The following SDK1 variants were observed in gnomAD, a reference collection of about 807,000 sequenced individuals.
SDK1 encodes protein sidekick-1.
SDK1 carries 157 observed loss-of-function variants against 245.5 expected under a neutral mutation model. That is an observed-to-expected ratio of 0.64 (90% CI 0.56 to 0.73). The LOEUF (loss-of-function observed/expected upper bound fraction) is 0.73. SDK1 is among the 30% of genes least tolerant of loss of function. The pLI is 0.00. For missense variants in SDK1, 3,583 were observed against 3,002.3 expected, an observed-to-expected ratio of 1.19 and a Z score of -4.52; for synonymous variants, 1,647 against 1,278.5, an observed-to-expected ratio of 1.29 and a Z score of -6.15.
At chr7:3,437,593 G>A (rs547399315) in intron 1 of SDK1, among the ~76,000 whole-genome samples, 1 of 152,164 alleles carries the variant, frequency 6.6e-6, no homozygotes, top group South Asian at 2.1e-4. Context: ...GCAACAGCAA[G>A]ACCCCTTCTC....
intron 1 of SDK1, among the ~76,000 whole-genome samples, chr7:3,616,224 C>G (rs1781767279): frequency 6.6e-6 from 1 of 152,146 alleles, no homozygotes; most frequent in African/African-American, 2.4e-5. Context: ...TCATCATCAT[C>G]ATTATCATAT....
At position 4,061,628 on chromosome 7, in the gene SDK1, C is replaced by T. The variant is rs1419606175; in HGVS notation, c.2912-6210C>T. On this transcript the variant is annotated intron_variant, in intron 19 of 44. Transcript: ENST00000404826. ...ACCATTTGACCCAGCCATCCCATTA[C>T]TGGGTATATACCCAAATGACTATAA... Among the ~76,000 whole-genome samples, 10 of 152,236 alleles carry T rather than the reference C, an allele frequency of 6.6e-5. No individual in the cohort carries two copies. The East Asian group carries it at 1.9e-3, about 29-fold the overall frequency.
At chr7:4,163,348 G>T (rs536009597) in intron 32 of SDK1, among the ~76,000 whole-genome samples, 1 of 152,190 alleles carries the variant, frequency 6.6e-6, no homozygotes, top group Non-Finnish European at 1.5e-5. Context: ...ATGATGGTTC[G>T]GGAAGTCAGG....
intron 1 of SDK1, among the ~76,000 whole-genome samples, chr7:3,477,712 C>G (rs976202420): frequency 1.3e-5 from 2 of 151,932 alleles, no homozygotes; most frequent in Admixed American, 1.3e-4. Flanking sequence ...TAGAGTCCCA[C>G]TATGTTGTTC....
At chr7:3,993,454 G>C (rs962491985) in intron 14 of SDK1, among the ~76,000 whole-genome samples, 1 of 152,008 alleles carries the variant, frequency 6.6e-6, no homozygotes, top group African/African-American at 2.4e-5. Context: ...ATTCTACTCA[G>C]TCCTACGGTT....
At chr7:4,164,392 G>C (rs536458495) in intron 32 of SDK1, among the ~76,000 whole-genome samples, 43 of 152,196 alleles carry the variant, frequency 2.8e-4, no homozygotes, top group Non-Finnish European at 5.3e-4. Flanking sequence ...CCAGTCTTTG[G>C]GGGCCGCTAG....
At chr7:3,342,308 G>A (rs1314390110) in intron 1 of SDK1, among the ~76,000 whole-genome samples, 1 of 152,202 alleles carries the variant, frequency 6.6e-6, no homozygotes, top group African/African-American at 2.4e-5. Context: ...GAGAAAGTTA[G>A]CCAGGTGCGG....
At chr7:3,925,975 A>G (rs1779752985) in intron 5 of SDK1, among the ~76,000 whole-genome samples, 2 of 152,196 alleles carry the variant, frequency 1.3e-5, no homozygotes, top group Admixed American at 6.5e-5. Context: ...TTCAGGTCCT[A>G]AAGTAAAGAG....
intron 1 of SDK1, among the ~76,000 whole-genome samples, chr7:3,304,122 T>C (rs1779354410): frequency 6.6e-6 from 1 of 152,190 alleles, no homozygotes; most frequent in African/African-American, 2.4e-5. Flanking sequence ...TCTATGTAAC[T>C]GATCATGATG....
In SDK1 at chr7:3,430,313, C is replaced by T. The variant is rs1386702872; in HGVS notation, c.298+128429C>T. Reference sequence around the variant, plus strand: ...TTTTTTGAGGGGAGGGGACTGTGTCCTAATTAGTAATTAAGGTTATTTTGA... The same window carrying T: ...TTTTTTGAGGGGAGGGGACTGTGTCTTAATTAGTAATTAAGGTTATTTTGA... On this transcript the variant is annotated intron_variant, in intron 1 of 44. Coordinates refer to ENST00000404826, the MANE Select transcript of SDK1 (RefSeq NM_152744.4). 2.0e-5 allele frequency among the ~76,000 whole-genome samples: 3 copies of T among 152,028 alleles called. No homozygotes were observed. In the East Asian group the frequency reaches 5.8e-4, roughly 30 times the overall value.
At chr7:3,346,789 G>A (rs1359285835) in intron 1 of SDK1, among the ~76,000 whole-genome samples, 1 of 76,276 alleles carries the variant, frequency 1.3e-5, no homozygotes, top group Non-Finnish European at 2.3e-5. Flanking sequence ...ACATATATAT[G>A]TATGTGTGTG....
chr7:3,933,063 G>A (rs936682151), intron 5 of SDK1, among the ~76,000 whole-genome samples: 1 of 150,772 alleles, frequency 6.6e-6, no homozygotes, highest in African/African-American at 2.4e-5. Flanking sequence ...ACCTGGAGAT[G>A]AGGGTAGCAC....
intron 4 of SDK1, among the ~76,000 whole-genome samples, chr7:3,747,454 G>C (rs1220427400): frequency 6.6e-6 from 1 of 152,200 alleles, no homozygotes; most frequent in Non-Finnish European, 1.5e-5. Flanking sequence ...GAATTGATTA[G>C]ATGCACTGTG....
intron 44 of SDK1, among the ~76,000 whole-genome samples, chr7:4,259,093 A>T (rs1787806109): frequency 6.6e-6 from 1 of 152,174 alleles, no homozygotes; most frequent in African/African-American, 2.4e-5. Flanking sequence ...TAGTTTACGC[A>T]GAGCTTAACC....
chr7:4,132,585 G>T (rs1328966383), intron 28 of SDK1, 162 bp downstream of exon 28: 4 of 560,984 alleles, frequency 7.1e-6, no homozygotes, highest in African/African-American at 5.6e-5. Context: ...CTATTAGCCG[G>T]GCATGATGGC....
chr7:3,447,280 A>G (rs1301401167), intron 1 of SDK1, among the ~76,000 whole-genome samples: 5 of 152,214 alleles, frequency 3.3e-5, no homozygotes. Context: ...AATGATTAAC[A>G]TATTGTGAAG....
intron 4 of SDK1, among the ~76,000 whole-genome samples, chr7:3,770,860 G>A (rs1475835562): frequency 1.3e-5 from 2 of 152,106 alleles, no homozygotes; most frequent in Admixed American, 6.5e-5. Flanking sequence ...TAGGAGTTAC[G>A]AGGCCTGGCT....
chr7:3,459,264 ACTC>A (rs1408879554), intron 1 of SDK1, among the ~76,000 whole-genome samples: 1 of 151,540 alleles, frequency 6.6e-6, no homozygotes, highest in Non-Finnish European at 1.5e-5. Flanking sequence ...ACCTTTTTAT[ACTC>A]CTCTTTATGT....
chr7:3,523,927 C>CT (rs1420781703), intron 1 of SDK1, among the ~76,000 whole-genome samples: 2 of 152,108 alleles, frequency 1.3e-5, no homozygotes, highest in East Asian at 1.9e-4. Context: ...CTGCTGTCAG[C>CT]TTGAGACTTG....
Sources: gnomAD v4.1 joint callset for allele counts (sites outside exome capture counted in the v4.1 genomes callset) on GRCh38, gnomAD v4.1.1 for gene constraint, MANE v1.5 for transcripts, NCBI Gene and HGNC (gene_info 2026-07-23, HGNC 2026-07-21) for gene names.